GRM7: variants seen among roughly 807,000 people sequenced by gnomAD.
GRM7 encodes the protein glutamate metabotropic receptor 7, also known as metabotropic glutamate receptor 7.
In GRM7, 35 loss-of-function variants were observed where a neutral mutation model predicts 84.5. The ratio of observed to expected loss-of-function variants is 0.41; its 90% CI spans 0.32 to 0.55. The LOEUF is 0.55. Among genes scored for constraint, GRM7 ranks in the 20% least tolerant of loss-of-function variants. GRM7 has a pLI of 0.19. For synonymous variants in GRM7, 487 were observed against 455.1 expected (o/e 1.07, Z -0.89); for missense variants, 1,003 against 1,194.6 (o/e 0.84, Z 2.36).
At chr3:7,645,546 T>TAAAAA (rs71043684) in intron 8 of GRM7, among the ~76,000 whole-genome samples, 101 of 87,648 alleles carry the variant, frequency 1.2e-3, no homozygotes, top group East Asian at 4.7e-3. Flanking sequence ...GACTCCATCT[T>TAAAAA]AAAAAAAAAA....
At chr3:7,531,476 C>T (rs1701033997) in intron 7 of GRM7, among the ~76,000 whole-genome samples, 1 of 152,084 alleles carries the variant, frequency 6.6e-6, no homozygotes, top group South Asian at 2.1e-4. Context: ...TTTGTGTCCT[C>T]TCTTATTTCC....
intron 2 of GRM7, among the ~76,000 whole-genome samples, chr3:7,292,806 C>G (rs1283090632): frequency 1.7e-4 from 26 of 151,046 alleles, no homozygotes; most frequent in African/African-American, 5.9e-4. Context: ...CTGAGGTGGG[C>G]AGATCACCTG....
In GRM7 at chr3:7,332,687, T is replaced by G. The variant is rs546556835; in HGVS notation, c.1033+26035T>G. ...TGTGGAGACTCACATTGTGAACTTATGCTCCAAGAACCACGACAGGAACAT... is the reference window on the plus strand; with the variant it reads ...TGTGGAGACTCACATTGTGAACTTAGGCTCCAAGAACCACGACAGGAACAT... On this transcript the variant is annotated intron_variant, in intron 4 of 9. Coordinates refer to ENST00000357716, the MANE Select transcript of GRM7 (RefSeq NM_000844.4). Among the ~76,000 whole-genome samples, 276 of 152,256 alleles carry G rather than the reference T, an allele frequency of 1.8e-3. 2 individuals are homozygous for G. Among genetic ancestry groups the G allele is most frequent in the Non-Finnish European group, 1.7e-3 (113 of 68,018 alleles).
chr3:7,480,970 A>G (rs1286543969), intron 7 of GRM7, among the ~76,000 whole-genome samples: 1 of 152,254 alleles, frequency 6.6e-6, no homozygotes, highest in Non-Finnish European at 1.5e-5. Flanking sequence ...TTAGAGTCCA[A>G]CATAAGTACC....
chr3:6,895,792 T>C (rs1696157690), intron 1 of GRM7, among the ~76,000 whole-genome samples: 1 of 152,210 alleles, frequency 6.6e-6, no homozygotes, highest in African/African-American at 2.4e-5. Context: ...CCACATAATA[T>C]TTAGCTGATA....
At position 6,861,463 on chromosome 3, in the gene GRM7, G is replaced by C. The variant is rs1006451526; in HGVS notation, c.75G>C (p.Leu25=). 6.3e-7 allele frequency: 1 copy of C among 1,596,472 alleles called. No individual in the cohort carries two copies. The highest frequency in any genetic ancestry group is 1.8e-5 in the Admixed American group (1 of 56,038). The part of the protein sequence containing the change: ...KFPCCVLEVL[L]CALAAAARGQ... ...CCTGCTGCGTGCTGGAGGTGCTCCT[G>C]TGCGCGCTGGCGGCGGCGGCGCGCG... Residue 25 remains leucine, a synonymous_variant, in exon 1 of 10, where the codon CTG becomes CTC. Transcript: ENST00000357716. This position sits in a 1 kb window ranked among gnomAD's most constrained non-coding sequence, Gnocchi z 6.4.
At chr3:7,009,934 A>C (rs1695311957) in intron 1 of GRM7, among the ~76,000 whole-genome samples, 2 of 152,228 alleles carry the variant, frequency 1.3e-5, no homozygotes, top group Admixed American at 1.3e-4. Context: ...AAGATACTCT[A>C]GAGTACATTT....
intron 7 of GRM7, among the ~76,000 whole-genome samples, chr3:7,573,947 G>C (rs1694832632): frequency 6.6e-6 from 1 of 152,154 alleles, no homozygotes; most frequent in South Asian, 2.1e-4. Flanking sequence ...TTAGTAGATG[G>C]CCATGGAGAA....
intron 7 of GRM7, among the ~76,000 whole-genome samples, chr3:7,557,661 A>T (rs959994191): frequency 6.6e-6 from 1 of 152,160 alleles, no homozygotes; most frequent in South Asian, 2.1e-4. Flanking sequence ...GATAAGGAAG[A>T]TATGTATTTC....
chr3:7,496,001 G>A (rs1041543915), intron 7 of GRM7, among the ~76,000 whole-genome samples: 1 of 152,126 alleles, frequency 6.6e-6, no homozygotes, highest in Non-Finnish European at 1.5e-5. Context: ...ATATTTTTAT[G>A]GCCACCTTTT....
intron 1 of GRM7, among the ~76,000 whole-genome samples, chr3:7,073,149 T>C (rs1486710242): frequency 6.6e-6 from 1 of 152,166 alleles, no homozygotes; most frequent in Non-Finnish European, 1.5e-5. Context: ...TAGTACTAAT[T>C]TAATTTTAAA....
At chr3:7,371,368 A>G (rs1383746710) in intron 4 of GRM7, among the ~76,000 whole-genome samples, 1 of 152,184 alleles carries the variant, frequency 6.6e-6, no homozygotes, top group East Asian at 1.9e-4. Context: ...TCACCTCTCA[A>G]ATACCTTATA....
intron 5 of GRM7, among the ~76,000 whole-genome samples, chr3:7,427,462 C>G (rs1412784687): frequency 2.0e-5 from 3 of 152,176 alleles, no homozygotes; most frequent in South Asian, 2.1e-4. Context: ...TTACTGGGTA[C>G]TTTCTTAAAT....
chr3:7,399,633 CA>C (rs970783146), intron 4 of GRM7, among the ~76,000 whole-genome samples: 2 of 152,158 alleles, frequency 1.3e-5, no homozygotes, highest in East Asian at 1.9e-4. Flanking sequence ...GTTTAAGTCA[CA>C]GGGGCGGATC....
chr3:7,281,507 A>G (rs1699249950), intron 2 of GRM7, among the ~76,000 whole-genome samples: 1 of 152,218 alleles, frequency 6.6e-6, no homozygotes, highest in Non-Finnish European at 1.5e-5. Flanking sequence ...ATACTTGCTA[A>G]TCTATTTCAA....
At chr3:6,955,543 A>T (rs527977358) in intron 1 of GRM7, among the ~76,000 whole-genome samples, 1 of 151,814 alleles carries the variant, frequency 6.6e-6, no homozygotes, top group East Asian at 1.9e-4. Flanking sequence ...TCAAAAAAAA[A>T]AAGAAGAATA....
chr3:7,647,534 A>C (rs1011178123), intron 8 of GRM7, among the ~76,000 whole-genome samples: 21 of 152,246 alleles, frequency 1.4e-4, no homozygotes, highest in African/African-American at 4.6e-4. Flanking sequence ...GCTGGAATTT[A>C]AGGCAAATAC....
chr3:7,586,269 G>T (rs375798986), intron 8 of GRM7, among the ~76,000 whole-genome samples: 1 of 152,260 alleles, frequency 6.6e-6, no homozygotes, highest in Admixed American at 6.5e-5. Context: ...AAACAGCTTG[G>T]CAGGTATTTT....
chr3:7,143,446 A>C (rs539661315), intron 1 of GRM7, among the ~76,000 whole-genome samples: 8 of 152,254 alleles, frequency 5.3e-5, no homozygotes, highest in African/African-American at 1.9e-4. Flanking sequence ...ATAGTGTCAA[A>C]ATAAGTACCA....
Sources: gnomAD v4.1 joint callset for allele counts (sites outside exome capture counted in the v4.1 genomes callset) on GRCh38, gnomAD v4.1.1 for gene constraint, Gnocchi (gnomAD v3.1) non-coding constraint, MANE v1.5 for transcripts, NCBI Gene and HGNC (gene_info 2026-07-23, HGNC 2026-07-21) for gene names.